Variants in SSBP2 observed in about 807,000 individuals in gnomAD.
The protein encoded by SSBP2 is single-stranded DNA-binding protein 2.
A neutral mutation model predicts 61.8 loss-of-function variants in SSBP2; 17 were observed. That is an observed-to-expected ratio of 0.28 (90% CI 0.19 to 0.41). SSBP2 has a LOEUF of 0.41. Ranked by LOEUF, SSBP2 falls within the 10% of genes least tolerant of loss-of-function variation. SSBP2 has a pLI of 1.00. For synonymous variants in SSBP2, 139 were observed against 141.3 expected (o/e 0.98, Z 0.12); for missense variants, 310 against 458.7 (o/e 0.68, Z 2.96).
At chr5:81,437,675 CG>C in intron 14 of SSBP2, 2 of 333,034 alleles carry the variant, frequency 6.0e-6, no homozygotes, top group Non-Finnish European at 1.1e-5. Context: ...AGTTCCCAAT[CG>C]TTTTTTTTTT....
At chr5:81,473,506 T>C (rs934022720) in intron 8 of SSBP2, among the ~76,000 whole-genome samples, 194 bp downstream of exon 8, 24 of 152,178 alleles carry the variant, frequency 1.6e-4, no homozygotes, top group Admixed American at 1.2e-3. Context: ...TTTCTGTTTC[T>C]GTGTTAGTTT....
At chr5:81,461,850 C>T (rs1266689150) in intron 9 of SSBP2, among the ~76,000 whole-genome samples, 1 of 152,046 alleles carries the variant, frequency 6.6e-6, no homozygotes. Flanking sequence ...AAAATTAATG[C>T]CCAATTAATT....
chr5:81,636,169 T>C (rs1479663043), intron 3 of SSBP2, among the ~76,000 whole-genome samples: 1 of 152,182 alleles, frequency 6.6e-6, no homozygotes, highest in East Asian at 1.9e-4. Flanking sequence ...GGTGACTGTC[T>C]ACAAGTCAGG....
intron 4 of SSBP2, among the ~76,000 whole-genome samples, chr5:81,583,469 A>C (rs1258209201): frequency 1.3e-5 from 2 of 151,930 alleles, no homozygotes; most frequent in Non-Finnish European, 1.5e-5. Context: ...CTCTACTAAA[A>C]ATGCAAAAAA....
chr5:81,696,772 G>A (rs565035482), intron 1 of SSBP2, among the ~76,000 whole-genome samples: 2 of 152,308 alleles, frequency 1.3e-5, no homozygotes, highest in African/African-American at 4.8e-5. Flanking sequence ...CATATAGAGT[G>A]ATTAATTCAT....
intron 1 of SSBP2, among the ~76,000 whole-genome samples, chr5:81,712,299 C>T (rs1363227334): frequency 6.6e-6 from 1 of 151,664 alleles, no homozygotes; most frequent in Non-Finnish European, 1.5e-5. Flanking sequence ...TAAGAATATG[C>T]CTTTGTCATC....
intron 9 of SSBP2, among the ~76,000 whole-genome samples, chr5:81,466,120 G>GA (rs1376504394): frequency 2.0e-5 from 3 of 151,964 alleles, no homozygotes; most frequent in Middle Eastern, 3.2e-3. Context: ...CACACTTGAG[G>GA]AGACACCCAC....
At chr5:81,722,502 T>C (rs1581420581) in intron 1 of SSBP2, among the ~76,000 whole-genome samples, 1 of 151,340 alleles carries the variant, frequency 6.6e-6, no homozygotes, top group South Asian at 2.1e-4. Context: ...TTAACAACTA[T>C]AGCATTCTTT....
At chr5:81,709,655 G>A (rs116706345) in intron 1 of SSBP2, among the ~76,000 whole-genome samples, 7 of 151,354 alleles carry the variant, frequency 4.6e-5, no homozygotes, top group African/African-American at 1.7e-4. Context: ...TATATAGAAA[G>A]GAAAAAACAG....
At chr5:81,609,248 T>TTCTAC (rs1160111739) in intron 4 of SSBP2, among the ~76,000 whole-genome samples, 6 of 152,206 alleles carry the variant, frequency 3.9e-5, no homozygotes, top group Admixed American at 3.3e-4. Flanking sequence ...TGTTTGATTT[T>TTCTAC]TCTACTCTAG....
chr5:81,459,988 C>T (rs1267705920), intron 10 of SSBP2, among the ~76,000 whole-genome samples: 1 of 152,064 alleles, frequency 6.6e-6, no homozygotes, highest in Admixed American at 6.6e-5. Flanking sequence ...TAGCAAACAT[C>T]GTAGCTATTA....
chr5:81,422,810 C>T (rs1187364712), intron 16 of SSBP2, among the ~76,000 whole-genome samples: 1 of 152,234 alleles, frequency 6.6e-6, no homozygotes, highest in Non-Finnish European at 1.5e-5. Context: ...GAACTGATCC[C>T]TGACCCTGTG....
At position 81,512,489 on chromosome 5, in the gene SSBP2, A is replaced by C. The variant is rs186439039; in HGVS notation, c.372+1139T>G. Among the ~76,000 whole-genome samples, 690 of 152,286 alleles carry C rather than the reference A, an allele frequency of 4.5e-3. 7 individuals are homozygous for C. The highest frequency in any genetic ancestry group is 0.016 in the African/African-American group (673 of 41,560). On this transcript the variant is annotated intron_variant, in intron 5 of 16. Coordinates refer to ENST00000320672, the MANE Select transcript of SSBP2 (RefSeq NM_012446.5). ...AATGCTGGTGGTTTAATTAATAATCAAGAGTTACAGTCTATTCCTAGATTA... is the reference window on the plus strand; with the variant it reads ...AATGCTGGTGGTTTAATTAATAATCCAGAGTTACAGTCTATTCCTAGATTA...
chr5:81,599,132 T>A (rs1316657757), intron 4 of SSBP2, among the ~76,000 whole-genome samples: 1 of 152,170 alleles, frequency 6.6e-6, no homozygotes, highest in Non-Finnish European at 1.5e-5. Flanking sequence ...GACTACCTGA[T>A]AAGTGAAACT....
At chr5:81,565,254 C>T (rs1466047255) in intron 4 of SSBP2, among the ~76,000 whole-genome samples, 1 of 152,118 alleles carries the variant, frequency 6.6e-6, no homozygotes, top group Non-Finnish European at 1.5e-5. Context: ...AAAATCTAGA[C>T]AAAGTCACTT....
In SSBP2 at chr5:81,418,664, C is replaced by T. The variant is rs1299931964; in HGVS notation, c.*1840G>A. On this transcript the variant is annotated 3_prime_UTR_variant, in exon 17 of 17. Coordinates refer to ENST00000320672, the MANE Select transcript of SSBP2 (RefSeq NM_012446.5). ...CTAGGCTATATAATATAAACTATTG[C>T]TCCTAGGCTACAAACCTGTACAGCA... The T allele has an allele frequency of 6.6e-6, 1 of 152,150 alleles. No individual in the cohort carries two copies. Among genetic ancestry groups the T allele is most frequent in the Non-Finnish European group, 1.5e-5 (1 of 68,032 alleles). 9.4% of individuals were successfully genotyped at this position (152,150 alleles called of 1,614,324 possible).
intron 4 of SSBP2, among the ~76,000 whole-genome samples, chr5:81,536,315 C>A (rs572861282): frequency 6.6e-6 from 1 of 152,158 alleles, no homozygotes; most frequent in South Asian, 2.1e-4. Context: ...CTGGTAACTT[C>A]TTTTTTTAAC....
chr5:81,632,517 A>G lies in SSBP2; in HGVS notation c.197+4040T>C, dbSNP rs1219480352. 4.6e-5 allele frequency among the ~76,000 whole-genome samples: 7 copies of G among 152,170 alleles called. 1 individual carries two copies. ...ATATAAGGAACAGTATTTTATTAGG[A>G]ATAGAAGAAATGAACTTCTTGACAT... On this transcript the variant is annotated intron_variant, in intron 3 of 16. Transcript: ENST00000320672.
chr5:81,740,391 A>G (rs1756935349), intron 1 of SSBP2, among the ~76,000 whole-genome samples: 1 of 152,218 alleles, frequency 6.6e-6, no homozygotes, highest in South Asian at 2.1e-4. Context: ...ATGTATAATC[A>G]TCAAATAATT....
Sources: allele counts gnomAD v4.1 joint callset (sites outside exome capture counted in the v4.1 genomes callset), GRCh38; gene constraint gnomAD v4.1.1; transcripts MANE v1.5; gene names NCBI Gene and HGNC (gene_info 2026-07-23, HGNC 2026-07-21).